The following SEPTIN11 variants were observed in gnomAD, a reference collection of about 807,000 sequenced individuals.
SEPTIN11 encodes the protein septin-11.
A neutral mutation model predicts 51.4 loss-of-function variants in SEPTIN11; 25 were observed. The ratio of observed to expected loss-of-function variants is 0.49; its 90% CI spans 0.35 to 0.68. SEPTIN11 has a LOEUF of 0.68. SEPTIN11 is among the 30% of genes least tolerant of loss of function. The probability of loss-of-function intolerance (pLI) is 0.00; values close to 1 mark genes in which losing one functional copy is unlikely to be tolerated. For missense variants in SEPTIN11, 381 were observed against 520.8 expected (o/e 0.73, Z 2.61); for synonymous variants, 174 against 184.1 (o/e 0.95, Z 0.44).
chr4:77,038,378 TG>T lies in SEPTIN11; in HGVS notation c.*3867del. ...AAACTGTCGTGTAATCTACTTTCAT[TG>T]TTAATGCAGAATTGTCATATATGTA... On this transcript the variant is annotated 3_prime_UTR_variant, in exon 10 of 10. Transcript: ENST00000264893. The T allele has an allele frequency of 1.0e-6, 1 of 985,892 alleles. No homozygotes were observed. The highest frequency in any genetic ancestry group is 1.2e-6 in the Non-Finnish European group (1 of 829,940). The allele number at this position is 985,892 out of a possible 1,614,324, so 61.1% of individuals were successfully genotyped here. A position where few individuals can be genotyped will look rare whatever the true frequency, so the allele number is the denominator to read the frequency against.
At chr4:76,961,551 C>T (rs530712491) in intron 1 of SEPTIN11, among the ~76,000 whole-genome samples, 12 of 152,260 alleles carry the variant, frequency 7.9e-5, no homozygotes, top group Middle Eastern at 6.8e-3. Flanking sequence ...TAATACACCT[C>T]GCCTACTGAA....
At chr4:77,003,256 G>T (rs73826488) in intron 2 of SEPTIN11, among the ~76,000 whole-genome samples, 8,540 of 152,266 alleles carry the variant, frequency 0.056, 397 homozygotes, top group African/African-American at 0.12. Flanking sequence ...TTGCCTTGAG[G>T]TCAGGGACCT....
At chr4:76,985,349 G>A (rs972016066) in intron 1 of SEPTIN11, among the ~76,000 whole-genome samples, 1 of 152,228 alleles carries the variant, frequency 6.6e-6, no homozygotes, top group Non-Finnish European at 1.5e-5. Flanking sequence ...CACACTTGGT[G>A]GTTGTTTGCT....
At chr4:76,996,322 T>G in intron 1 of SEPTIN11, 103 bp from the exon 2 acceptor site, 1 of 877,420 alleles carries the variant, frequency 1.1e-6, no homozygotes, top group South Asian at 1.6e-5. Flanking sequence ...CCTTTTTCCA[T>G]GTATGTCAAG....
At chr4:77,004,031 C>T (rs1724308504) in intron 2 of SEPTIN11, among the ~76,000 whole-genome samples, 1 of 152,206 alleles carries the variant, frequency 6.6e-6, no homozygotes, top group African/African-American at 2.4e-5. Flanking sequence ...ACCTGCTTCT[C>T]TCCATCATCA....
intron 1 of SEPTIN11, among the ~76,000 whole-genome samples, chr4:76,994,943 A>T (rs55790162): frequency 0.52 from 67,921 of 129,804 alleles, 18,767 homozygotes; most frequent in Non-Finnish European, 0.6. Context: ...AAAATGGAAC[A>T]TTGAAGCTGG....
rs569808986 is a variant in SEPTIN11 at position 76,981,300 on chromosome 4, A to G, written c.28-15125A>G. Reference sequence around the variant, plus strand: ...CTTTAAGAGACATTTTTAGTGGACAATGGAGGGGGTGGAGAGGACTGTGGG... The same window carrying G: ...CTTTAAGAGACATTTTTAGTGGACAGTGGAGGGGGTGGAGAGGACTGTGGG... On this transcript the variant is annotated intron_variant, in intron 1 of 9. Transcript: ENST00000264893. Among the ~76,000 whole-genome samples the G allele has an allele frequency of 1.5e-4, 23 of 152,302 alleles. 1 individual carries two copies. The highest frequency in any genetic ancestry group is 8.3e-4 in the South Asian group (4 of 4,826).
In SEPTIN11 at chr4:77,037,314, A is replaced by T; in HGVS notation, c.*2802A>T. On this transcript the variant is annotated 3_prime_UTR_variant, in exon 10 of 10. Transcript: ENST00000264893. The stretch of plus-strand genomic sequence containing the variant: ...GAGATGGAGGTTGCAGTGAGCCAAG[A>T]TTGCACCACTGCATTCCAACCTGGG... 1 of 907,644 alleles carries T rather than the reference A, an allele frequency of 1.1e-6. No homozygotes were observed. The highest frequency in any genetic ancestry group is 1.8e-5 in the African/African-American group (1 of 55,734). 56.2% of individuals were successfully genotyped at this position (907,644 alleles called of 1,614,324 possible). A position where few individuals can be genotyped will look rare whatever the true frequency, so the allele number is the denominator to read the frequency against.
intron 1 of SEPTIN11, among the ~76,000 whole-genome samples, chr4:76,952,954 C>G (rs543143067): frequency 6.6e-6 from 1 of 152,306 alleles, no homozygotes; most frequent in East Asian, 1.9e-4. Context: ...ATGGCCTCTC[C>G]TAAGCTGTGG....
chr4:76,959,872 T>C (rs758556318), intron 1 of SEPTIN11, among the ~76,000 whole-genome samples: 2 of 152,202 alleles, frequency 1.3e-5, no homozygotes, highest in Non-Finnish European at 2.9e-5. Flanking sequence ...TGTGGGTACA[T>C]AGTAGGTATA....
chr4:76,951,832 CA>C (rs1721361668), intron 1 of SEPTIN11, among the ~76,000 whole-genome samples: 1 of 152,186 alleles, frequency 6.6e-6, no homozygotes, highest in African/African-American at 2.4e-5. Context: ...CCAAGTCGGC[CA>C]ACCATATGTG....
chr4:76,996,199 A>T (rs1021364377), intron 1 of SEPTIN11, among the ~76,000 whole-genome samples: 20 of 152,154 alleles, frequency 1.3e-4, no homozygotes. Flanking sequence ...AAGGAATGAG[A>T]TGCTCAGGGA....
Position 77,034,620 on chromosome 4 carries a change from C to A in SEPTIN11, c.*108C>A. On this transcript the variant is annotated 3_prime_UTR_variant, in exon 10 of 10. Transcript: ENST00000264893. Reference sequence around the variant, plus strand: ...ATTTTATTTTATTTTATTTTTTTACCCTTCCTCAAACACCAGTAACTATTA... The same window carrying A: ...ATTTTATTTTATTTTATTTTTTTACACTTCCTCAAACACCAGTAACTATTA... The A allele has an allele frequency of 7.2e-7, 1 of 1,380,606 alleles. No individual in the cohort carries two copies. Among genetic ancestry groups the A allele is most frequent in the Non-Finnish European group, 9.4e-7 (1 of 1,066,612 alleles). 85.5% of individuals were successfully genotyped at this position (1,380,606 alleles called of 1,614,324 possible). A position where few individuals can be genotyped will look rare whatever the true frequency, so the allele number is the denominator to read the frequency against.
intron 7 of SEPTIN11, among the ~76,000 whole-genome samples, chr4:77,027,888 A>G (rs534018506): frequency 8.0e-4 from 122 of 152,218 alleles, no homozygotes; most frequent in Non-Finnish European, 1.5e-3. Context: ...CTAACTTCCA[A>G]GACAGTCAGG....
chr4:77,007,386 C>T (rs914436198), intron 3 of SEPTIN11, among the ~76,000 whole-genome samples: 1 of 152,178 alleles, frequency 6.6e-6, no homozygotes, highest in Non-Finnish European at 1.5e-5. Context: ...CAGGATCCCT[C>T]CCCCAAGGAA....
chr4:77,009,762 C>G (rs1202809634), intron 3 of SEPTIN11: 3 of 152,204 alleles, frequency 2.0e-5, no homozygotes, highest in African/African-American at 7.2e-5. Context: ...ACAGGGGAGG[C>G]AGGGGAGCAA....
intron 1 of SEPTIN11, among the ~76,000 whole-genome samples, chr4:76,980,230 G>C (rs1031079447): frequency 4.6e-5 from 7 of 152,126 alleles, no homozygotes; most frequent in African/African-American, 1.7e-4. Context: ...CTTGATCCCA[G>C]AATATGAGGT....
chr4:77,013,503 T>C (rs116744179), intron 4 of SEPTIN11, among the ~76,000 whole-genome samples: 40 of 152,286 alleles, frequency 2.6e-4, no homozygotes, highest in African/African-American at 9.4e-4. Context: ...TTGTCTATGT[T>C]GACATTAATT....
At chr4:77,030,639 C>T (rs375490671) in intron 8 of SEPTIN11, 144 bp from the exon 9 acceptor site, 6 of 646,484 alleles carry the variant, frequency 9.3e-6, no homozygotes, top group African/African-American at 5.6e-5. Flanking sequence ...TCGTGATCCA[C>T]CCACCTCGGC....
Sources: allele counts gnomAD v4.1 joint callset (sites outside exome capture counted in the v4.1 genomes callset), GRCh38; gene constraint gnomAD v4.1.1; transcripts MANE v1.5; gene names NCBI Gene and HGNC (gene_info 2026-07-23, HGNC 2026-07-21).